The following PCMT1 variants were observed in gnomAD, a reference collection of about 807,000 sequenced individuals.
PCMT1 encodes the protein protein-L-isoaspartate (D-aspartate) O-methyltransferase.
PCMT1 carries 9 observed loss-of-function variants against 29.2 expected under a neutral mutation model. That is an observed-to-expected ratio of 0.31 (90% confidence interval 0.19 to 0.54). The LOEUF (loss-of-function observed/expected upper bound fraction) is 0.54. Ranked by LOEUF, PCMT1 falls within the 20% of genes least tolerant of loss-of-function variation. The pLI is 0.95. For synonymous variants in PCMT1, 98 were observed against 97.5 expected (o/e 1.00, Z -0.03); for missense variants, 184 against 282.2 (o/e 0.65, Z 2.49).
chr6:149,781,870 A>G (rs146042536), intron 3 of PCMT1, among the ~76,000 whole-genome samples: 166 of 152,320 alleles, frequency 1.1e-3, no homozygotes, highest in African/African-American at 3.7e-3. Flanking sequence ...CTAACACTCT[A>G]TACTCATTCA....
At chr6:149,765,888 C>G (rs930539793) in intron 1 of PCMT1, 14 of 163,268 alleles carry the variant, frequency 8.6e-5, no homozygotes, top group African/African-American at 3.4e-4. Flanking sequence ...ATTGCTTGAA[C>G]CCGGGAGGTG....
intron 1 of PCMT1, chr6:149,750,402 A>C: frequency 6.2e-6 from 1 of 161,494 alleles, no homozygotes; most frequent in Non-Finnish European, 1.3e-5. Flanking sequence ...CTCCTCCATA[A>C]TCAACCTCGC....
intron 2 of PCMT1, 91 bp from the exon 3 acceptor site, chr6:149,773,046 GA>G: frequency 1.3e-6 from 1 of 761,086 alleles, no homozygotes; most frequent in Non-Finnish European, 2.2e-6. Context: ...GAATTATTGT[GA>G]AAAATAACGT....
chr6:149,775,991 C>T (rs1787548256), intron 3 of PCMT1, among the ~76,000 whole-genome samples: 1 of 151,938 alleles, frequency 6.6e-6, no homozygotes, highest in Admixed American at 6.6e-5. Flanking sequence ...GAAACCCTGT[C>T]TCTACTAAAA....
chr6:149,766,216 C>T lies in PCMT1; in HGVS notation c.56-4946C>T, dbSNP rs189337437. Among the ~76,000 whole-genome samples, 8 of 152,142 alleles carry T rather than the reference C, an allele frequency of 5.3e-5. No homozygotes were observed. In the East Asian group the frequency reaches 9.7e-4, roughly 18 times the overall value. ...TATACAATTGGGTATGTGTCCTTTG[C>T]CAACATATCCCTGGTTATCTCTTGG... On this transcript the variant is annotated intron_variant, in intron 1 of 7. Transcript: ENST00000464889.
chr6:149,772,474 T>G (rs1341855873), intron 2 of PCMT1: 1 of 414,224 alleles, frequency 2.4e-6, no homozygotes, highest in Non-Finnish European at 4.7e-6. Context: ...ATATGAAAAC[T>G]TATTTTTAAA....
intron 3 of PCMT1, among the ~76,000 whole-genome samples, chr6:149,774,819 G>GC (rs1395600963): frequency 6.7e-6 from 1 of 149,788 alleles, no homozygotes; most frequent in East Asian, 2.0e-4. Flanking sequence ...CCATTCTCCT[G>GC]CCTCAGCCTC....
chr6:149,803,052 C>CCA (rs1468345190), intron 7 of PCMT1, among the ~76,000 whole-genome samples: 7 of 70,570 alleles, frequency 9.9e-5, no homozygotes, highest in Non-Finnish European at 1.4e-4. Flanking sequence ...GGCTCTGTCT[C>CCA]AAAAAAAAAA....
Position 149,810,667 on chromosome 6 carries a change from T to C in PCMT1, c.*89T>C. 2 of 1,506,720 alleles carry C rather than the reference T, an allele frequency of 1.3e-6. No homozygotes were observed. Among genetic ancestry groups the C allele is most frequent in the Non-Finnish European group, 1.8e-6 (2 of 1,107,742 alleles). The allele number at this position is 1,506,720 out of a possible 1,614,324, so 93.3% of individuals were successfully genotyped here. ...TTGACCAGTATAAAATTACAGTGGA[T>C]TGCTCATCTCAGTCCTCAAAGCTTT... On this transcript the variant is annotated 3_prime_UTR_variant, in exon 8 of 8. Transcript: ENST00000464889.
intron 1 of PCMT1, among the ~76,000 whole-genome samples, chr6:149,761,619 T>C (rs1786743891): frequency 1.3e-5 from 2 of 152,196 alleles, no homozygotes; most frequent in South Asian, 4.1e-4. Flanking sequence ...ATCATAGTTT[T>C]TGGTTCCTCT....
intron 1 of PCMT1, among the ~76,000 whole-genome samples, chr6:149,770,561 CT>C (rs1183361466): frequency 6.6e-6 from 1 of 151,902 alleles, no homozygotes; most frequent in Non-Finnish European, 1.5e-5. Flanking sequence ...AAAAAATTAG[CT>C]GGGCGTGGTG....
chr6:149,807,916 A>G (rs1776058366), intron 7 of PCMT1, among the ~76,000 whole-genome samples: 2 of 152,274 alleles, frequency 1.3e-5, no homozygotes, highest in South Asian at 2.1e-4. Context: ...ATCTCTTTAC[A>G]TATGTTCCAG....
rs372773939 is a variant in PCMT1, at chr6:149,769,308, CTTTTT to C, written c.56-1834_56-1830del. ...AGTTAGCACCTATTTGTGCAGGATTCTTTTTTTTTTTTTTTTTTTTTTTTGAGACT... is the reference window on the plus strand; with the variant it reads ...AGTTAGCACCTATTTGTGCAGGATTCTTTTTTTTTTTTTTTTTTTGAGACT... On this transcript the variant is annotated intron_variant, in intron 1 of 7. Transcript: ENST00000464889. 5.6e-4 allele frequency among the ~76,000 whole-genome samples: 40 copies of C among 71,542 alleles called. No individual in the cohort carries two copies. The South Asian group carries it at 0.013, about 24-fold the overall frequency. 46.9% of individuals were successfully genotyped at this position (71,542 alleles called of 152,430 possible).
chr6:149,763,606 G>C (rs542956696), intron 1 of PCMT1, among the ~76,000 whole-genome samples: 55 of 152,056 alleles, frequency 3.6e-4, no homozygotes, highest in Non-Finnish European at 6.8e-4. Flanking sequence ...AAATTTGATA[G>C]AAGTATATTA....
intron 3 of PCMT1, among the ~76,000 whole-genome samples, chr6:149,788,738 T>C: frequency 6.6e-6 from 1 of 152,226 alleles, no homozygotes; most frequent in South Asian, 2.1e-4. Context: ...TTTTTCCTTT[T>C]GTGATTAATA....
intron 3 of PCMT1, among the ~76,000 whole-genome samples, chr6:149,784,422 C>T (rs1470788013): frequency 6.6e-6 from 1 of 151,924 alleles, no homozygotes; most frequent in East Asian, 1.9e-4. Flanking sequence ...CTATAAATCA[C>T]CCAGCTTTAA....
At position 149,749,777 on chromosome 6, in the gene PCMT1, G is replaced by C; in HGVS notation, c.-125G>C. 1 of 1,549,606 alleles carries C rather than the reference G, an allele frequency of 6.5e-7. No individual in the cohort carries two copies. Among genetic ancestry groups the C allele is most frequent in the South Asian group, 1.2e-5 (1 of 84,020 alleles). On this transcript the variant is annotated 5_prime_UTR_variant, in exon 1 of 8. Coordinates refer to ENST00000464889, the MANE Select transcript of PCMT1 (RefSeq NM_001360452.2). ...AGCGGCGGCGACGGCAGTAACAGCG[G>C]CAGCTACAGCGGGGACGCGAGCGGG...
chr6:149,757,939 G>C (rs992494381), intron 1 of PCMT1, among the ~76,000 whole-genome samples: 3 of 152,122 alleles, frequency 2.0e-5, no homozygotes, highest in Admixed American at 2.0e-4. Flanking sequence ...CTGGAATGCA[G>C]TGGTGTGATC....
intron 3 of PCMT1, among the ~76,000 whole-genome samples, chr6:149,783,097 A>G (rs1292846190): frequency 1.3e-5 from 2 of 152,200 alleles, no homozygotes; most frequent in East Asian, 1.9e-4. Context: ...TTGGAGAACA[A>G]AAATACTCAT....
Sources: allele counts gnomAD v4.1 joint callset (sites outside exome capture counted in the v4.1 genomes callset), GRCh38; gene constraint gnomAD v4.1.1; transcripts MANE v1.5; gene names NCBI Gene and HGNC (gene_info 2026-07-23, HGNC 2026-07-21).